VPS4B: variants seen among roughly 807,000 people sequenced by gnomAD.
VPS4B encodes vacuolar protein sorting-associated protein 4B.
A neutral mutation model predicts 56.1 loss-of-function variants in VPS4B; 23 were observed. That is an observed-to-expected ratio of 0.41 (90% CI 0.30 to 0.58). The LOEUF (loss-of-function observed/expected upper bound fraction) is 0.58, where lower values mean the gene tolerates loss of function less well. Ranked by LOEUF, VPS4B falls within the 20% of genes least tolerant of loss-of-function variation. The pLI is 0.29. For synonymous variants in VPS4B, 177 were observed against 186.0 expected, an observed-to-expected ratio of 0.95 and a Z score of 0.39; for missense variants, 372 against 531.9, an observed-to-expected ratio of 0.70 and a Z score of 2.96.
chr18:63,403,026 C>T (rs917142258), intron 5 of VPS4B, among the ~76,000 whole-genome samples: 1 of 152,188 alleles, frequency 6.6e-6, no homozygotes, highest in Non-Finnish European at 1.5e-5. Flanking sequence ...AATGGTTTAG[C>T]ACAGACATAT....
At chr18:63,399,645 T>C (rs1007241564) in intron 7 of VPS4B, among the ~76,000 whole-genome samples, 5 of 152,212 alleles carry the variant, frequency 3.3e-5, no homozygotes, top group Admixed American at 3.3e-4. Flanking sequence ...TCCTGGTACA[T>C]TATAAATGAA....
At chr18:63,398,221 ATAT>A (rs1555662352) in intron 8 of VPS4B, among the ~76,000 whole-genome samples, 3 of 145,346 alleles carry the variant, frequency 2.1e-5, no homozygotes, top group African/African-American at 5.2e-5. Context: ...ATATATATAT[ATAT>A]TTTTTTTTGA....
At chr18:63,417,253 TTC>T (rs752287753) in intron 1 of VPS4B, among the ~76,000 whole-genome samples, 7 of 152,182 alleles carry the variant, frequency 4.6e-5, no homozygotes, top group Non-Finnish European at 1.0e-4. Flanking sequence ...TCGGTGTTAG[TTC>T]TGTTTCTCTG....
intron 1 of VPS4B, chr18:63,415,700 AC>A: frequency 8.3e-6 from 2 of 239,784 alleles, no homozygotes. Context: ...CCCCTCCAGA[AC>A]CCCCCTCCAG....
In VPS4B at chr18:63,410,548, GGAA is replaced by G. The variant is rs957161086; in HGVS notation, c.140-105_140-103del. 61 of 1,400,246 alleles carry G rather than the reference GGAA, an allele frequency of 4.4e-5. 1 individual carries two copies. The African/African-American group carries it at 7.2e-4, about 17-fold the overall frequency. The allele number at this position is 1,400,246 out of a possible 1,614,324, so 86.7% of individuals were successfully genotyped here. A position where few individuals can be genotyped will look rare whatever the true frequency, so the allele number is the denominator to read the frequency against. ...TTTTCAGACAAGGAAATTCTATGTT[GGAA>G]GAAGGAGGGAAGATCATCTCTAACT... On this transcript the variant is annotated intron_variant, in intron 2 of 10. Transcript: ENST00000238497.
intron 1 of VPS4B, chr18:63,416,190 T>C: frequency 5.4e-6 from 1 of 186,136 alleles, no homozygotes; most frequent in Non-Finnish European, 1.2e-5. Context: ...AAGACAAACT[T>C]GCCCTTGGGA....
At chr18:63,416,503 G>A (rs1916167466) in intron 1 of VPS4B, 1 of 152,134 alleles carries the variant, frequency 6.6e-6, no homozygotes, top group South Asian at 2.1e-4. Flanking sequence ...TTTTCTTTCT[G>A]AATATAATCC....
At chr18:63,409,670 A>G (rs1915991007) in intron 3 of VPS4B, among the ~76,000 whole-genome samples, 1 of 152,248 alleles carries the variant, frequency 6.6e-6, no homozygotes, top group African/African-American at 2.4e-5. Context: ...CTAGGAAGAC[A>G]TGCCAAAAAT....
chr18:63,403,969 CA>C, intron 4 of VPS4B, 143 bp from the exon 5 acceptor site: 1 of 933,200 alleles, frequency 1.1e-6, no homozygotes, highest in Non-Finnish European at 1.5e-6. Flanking sequence ...ATAGCGTGAG[CA>C]GGAAGCAGGT....
rs191832463 is a variant in VPS4B, at chr18:63,393,205, G to T, written c.1233+204C>A. 1.6e-4 allele frequency among the ~76,000 whole-genome samples: 25 copies of T among 152,072 alleles called. 1 individual carries two copies. The highest frequency in any genetic ancestry group is 2.4e-4 in the Non-Finnish European group (16 of 67,998). Reference sequence around the variant, plus strand: ...TAAAAAATAGCTTTTTCACTTAAAGGTTCCTCTAAACCCAAGAAAATAGTT... The same window carrying T: ...TAAAAAATAGCTTTTTCACTTAAAGTTTCCTCTAAACCCAAGAAAATAGTT... On this transcript the variant is annotated intron_variant, in intron 10 of 10. Transcript: ENST00000238497.
At chr18:63,400,372 A>T (rs878977338) in intron 6 of VPS4B, among the ~76,000 whole-genome samples, 175 bp downstream of exon 6, 1 of 152,250 alleles carries the variant, frequency 6.6e-6, no homozygotes, top group South Asian at 2.1e-4. Context: ...TTGTAGATAT[A>T]TGCTATCTTT....
In VPS4B at chr18:63,411,459, G is replaced by A; in HGVS notation, c.139+8C>T. 1 of 1,503,352 alleles carries A rather than the reference G, an allele frequency of 6.7e-7. No individual in the cohort carries two copies. The highest frequency in any genetic ancestry group is 1.3e-5 in the South Asian group (1 of 74,636). The allele number at this position is 1,503,352 out of a possible 1,614,324, so 93.1% of individuals were successfully genotyped here. ...TGTTTTTAAATAAAATATAACCTAT[G>A]GCCTCACATTTAACGACATGAAGAA... On this transcript the variant is annotated splice_region_variant and intron_variant, in intron 2 of 10. Transcript: ENST00000238497.
At chr18:63,395,181 A>G (rs1231298160) in intron 9 of VPS4B, among the ~76,000 whole-genome samples, 3 of 152,138 alleles carry the variant, frequency 2.0e-5, no homozygotes, top group South Asian at 2.1e-4. Context: ...ATGTGAGCTC[A>G]CCCTGGCAGT....
At position 63,422,224 on chromosome 18, in the gene VPS4B, C is replaced by CAATG. The variant is rs779257000; in HGVS notation, c.27+5_27+8dup. On this transcript the variant is annotated intron_variant, in intron 1 of 10. Coordinates refer to ENST00000238497, the MANE Select transcript of VPS4B (RefSeq NM_004869.4). ...GCTCCCTAGGGGGACGGGAGATGAG[C>CAATG]AATGATACCTGGAGGTTGGGCGAAG... 40 of 1,511,386 alleles carry CAATG rather than the reference C, an allele frequency of 2.6e-5. No individual in the cohort carries two copies. Among genetic ancestry groups the CAATG allele is most frequent in the Middle Eastern group, 3.5e-4 (2 of 5,734 alleles). 93.6% of individuals were successfully genotyped at this position (1,511,386 alleles called of 1,614,324 possible). A position where few individuals can be genotyped will look rare whatever the true frequency, so the allele number is the denominator to read the frequency against.
chr18:63,413,985 A>G (rs1916106408), intron 1 of VPS4B, among the ~76,000 whole-genome samples: 1 of 152,200 alleles, frequency 6.6e-6, no homozygotes, highest in Non-Finnish European at 1.5e-5. Flanking sequence ...CAGCTAGTAT[A>G]TGAACATAAA....
At chr18:63,410,542 T>C in intron 2 of VPS4B, 96 bp from the exon 3 acceptor site, 1 of 1,465,448 alleles carries the variant, frequency 6.8e-7, no homozygotes, top group Non-Finnish European at 9.2e-7. Flanking sequence ...AAGGAAATTC[T>C]ATGTTGGAAG....
intron 1 of VPS4B, among the ~76,000 whole-genome samples, chr18:63,413,660 TA>T (rs1034912969): frequency 6.7e-6 from 1 of 149,926 alleles, no homozygotes; most frequent in Non-Finnish European, 1.5e-5. Context: ...TAGGTGCCAG[TA>T]AAAAAAAATG....
intron 5 of VPS4B, among the ~76,000 whole-genome samples, chr18:63,402,836 C>A (rs1333210646): frequency 6.6e-6 from 1 of 152,158 alleles, no homozygotes; most frequent in African/African-American, 2.4e-5. Context: ...AGGCTTTTTG[C>A]TCTTCATCAC....
At chr18:63,406,488 T>C (rs1241690819) in intron 4 of VPS4B, among the ~76,000 whole-genome samples, 1 of 152,212 alleles carries the variant, frequency 6.6e-6, no homozygotes, top group African/African-American at 2.4e-5. Flanking sequence ...TGGAAATCCT[T>C]CCCAGTTATG....
Sources: allele counts gnomAD v4.1 joint callset (sites outside exome capture counted in the v4.1 genomes callset), GRCh38; gene constraint gnomAD v4.1.1; transcripts MANE v1.5; gene names NCBI Gene and HGNC (gene_info 2026-07-23, HGNC 2026-07-21).